ZNF804A: variants seen among roughly 807,000 people sequenced by gnomAD.
ZNF804A encodes zinc finger protein 804A.
ZNF804A carries 2 observed loss-of-function variants against 16.5 expected under a neutral mutation model. The observed-to-expected ratio is 0.12, with a 90% CI of 0.05 to 0.38. The LOEUF is 0.38. ZNF804A is among the 10% of genes least tolerant of loss of function. The pLI is 0.99. For missense variants in ZNF804A, 1,473 were observed against 1,390.7 expected (o/e 1.06, Z -0.94); for synonymous variants, 534 against 489.6 (o/e 1.09, Z -1.20).
intron 2 of ZNF804A, among the ~76,000 whole-genome samples, chr2:184,875,167 T>C (rs1158681959): frequency 1.3e-5 from 2 of 152,222 alleles, no homozygotes; most frequent in Non-Finnish European, 2.9e-5. Flanking sequence ...GCCTAGTTAA[T>C]GTGACTCTTC....
At chr2:184,742,073 C>A (rs1693716657) in intron 1 of ZNF804A, among the ~76,000 whole-genome samples, 1 of 151,896 alleles carries the variant, frequency 6.6e-6, no homozygotes, top group South Asian at 2.1e-4. Flanking sequence ...GATATAAAAT[C>A]TGCTCTTATA....
At chr2:184,818,262 T>G (rs1695014195) in intron 1 of ZNF804A, among the ~76,000 whole-genome samples, 1 of 152,026 alleles carries the variant, frequency 6.6e-6, no homozygotes, top group Non-Finnish European at 1.5e-5. Flanking sequence ...TTCAATATTT[T>G]TAAAGAAAAT....
chr2:184,719,895 AT>A, intron 1 of ZNF804A, among the ~76,000 whole-genome samples: 1 of 152,148 alleles, frequency 6.6e-6, no homozygotes, highest in South Asian at 2.1e-4. Context: ...TCACTTCCAC[AT>A]TTTTTGGTAT....
At chr2:184,674,353 G>A (rs1692386999) in intron 1 of ZNF804A, among the ~76,000 whole-genome samples, 1 of 151,870 alleles carries the variant, frequency 6.6e-6, no homozygotes, top group Non-Finnish European at 1.5e-5. Flanking sequence ...ATTCAAATTT[G>A]CTTACAAGGA....
At chr2:184,685,659 G>A (rs914712142) in intron 1 of ZNF804A, among the ~76,000 whole-genome samples, 79 of 152,224 alleles carry the variant, frequency 5.2e-4, no homozygotes, top group African/African-American at 1.8e-3. Flanking sequence ...GGCTCAGAAG[G>A]GAGAAAGTAC....
intron 1 of ZNF804A, among the ~76,000 whole-genome samples, chr2:184,813,121 G>C (rs966647529): frequency 2.6e-5 from 4 of 151,996 alleles, no homozygotes; most frequent in African/African-American, 9.7e-5. Context: ...TCACATTACT[G>C]TTGAATTTTA....
intron 2 of ZNF804A, chr2:184,902,640 TC>T (rs1685205010): frequency 6.6e-6 from 1 of 152,172 alleles, no homozygotes; most frequent in Admixed American, 6.6e-5. Context: ...CTTAGAGTGC[TC>T]TTAATGACAA....
At chr2:184,775,996 C>G (rs1342505968) in intron 1 of ZNF804A, among the ~76,000 whole-genome samples, 4 of 151,510 alleles carry the variant, frequency 2.6e-5, no homozygotes. Flanking sequence ...GTTTATAAAA[C>G]TGATAGAGCT....
At chr2:184,807,546 A>T (rs1184547024) in intron 1 of ZNF804A, among the ~76,000 whole-genome samples, 1 of 151,852 alleles carries the variant, frequency 6.6e-6, no homozygotes, top group East Asian at 1.9e-4. Context: ...CTTCAAAATC[A>T]GGAATAAAGC....
At chr2:184,727,906 A>G (rs1286312989) in intron 1 of ZNF804A, among the ~76,000 whole-genome samples, 1 of 151,760 alleles carries the variant, frequency 6.6e-6, no homozygotes, top group Non-Finnish European at 1.5e-5. Flanking sequence ...AATTAAACTC[A>G]GAGAATAATC....
chr2:184,626,710 G>A (rs17430600), intron 1 of ZNF804A, among the ~76,000 whole-genome samples: 59,894 of 151,936 alleles, frequency 0.39, 12,164 homozygotes, highest in Middle Eastern at 0.47. Context: ...TAGAATGTTT[G>A]TTTTAAATAA....
chr2:184,798,790 G>A (rs964800536), intron 1 of ZNF804A, among the ~76,000 whole-genome samples: 1 of 152,062 alleles, frequency 6.6e-6, no homozygotes, highest in African/African-American at 2.4e-5. Flanking sequence ...TGTGATTTTT[G>A]GGGGTGTTAA....
chr2:184,877,973 G>A (rs920395697), intron 2 of ZNF804A, among the ~76,000 whole-genome samples: 5 of 152,022 alleles, frequency 3.3e-5, no homozygotes, highest in African/African-American at 9.7e-5. Flanking sequence ...CCGTAGAAGG[G>A]GAGACGCATT....
At chr2:184,713,763 A>G (rs1317751006) in intron 1 of ZNF804A, among the ~76,000 whole-genome samples, 1 of 152,044 alleles carries the variant, frequency 6.6e-6, no homozygotes, top group Non-Finnish European at 1.5e-5. Flanking sequence ...CGTGCTAGCT[A>G]GGAAACAACT....
chr2:184,894,253 C>G (rs1349414233), intron 2 of ZNF804A, among the ~76,000 whole-genome samples: 1 of 151,988 alleles, frequency 6.6e-6, no homozygotes, highest in African/African-American at 2.4e-5. Context: ...GTATGCCAAC[C>G]CACATGCCAT....
rs1033725123 is a variant in ZNF804A at position 184,623,325 on chromosome 2, T to C, written c.111+24255T>C. The stretch of plus-strand genomic sequence containing the variant: ...AAAAAAATTCATTTTAATGCTTGCA[T>C]GAAGTAAAAAACAAACTCTCAAATA... On this transcript the variant is annotated intron_variant, in intron 1 of 3. Coordinates refer to ENST00000302277, the MANE Select transcript of ZNF804A (RefSeq NM_194250.2). Among the ~76,000 whole-genome samples, 5 of 152,094 alleles carry C rather than the reference T, an allele frequency of 3.3e-5. No homozygotes were observed. The East Asian group carries it at 9.6e-4, about 29-fold the overall frequency.
intron 1 of ZNF804A, among the ~76,000 whole-genome samples, chr2:184,775,778 A>G (rs1456147123): frequency 6.6e-6 from 1 of 151,672 alleles, no homozygotes; most frequent in Non-Finnish European, 1.5e-5. Context: ...GAAGCAAGAT[A>G]AAAATCACAC....
At chr2:184,858,593 T>A (rs1048754292) in intron 1 of ZNF804A, among the ~76,000 whole-genome samples, 25 of 152,222 alleles carry the variant, frequency 1.6e-4, no homozygotes, top group African/African-American at 6.0e-4. Flanking sequence ...ACATGTATTT[T>A]GATGTTTTAA....
In ZNF804A at chr2:184,605,134, A is replaced by G. The variant is rs973843595; in HGVS notation, c.111+6064A>G. 1.3e-5 allele frequency among the ~76,000 whole-genome samples: 2 copies of G among 152,152 alleles called. 1 individual carries two copies. Among genetic ancestry groups the G allele is most frequent in the Admixed American group, 1.3e-4 (2 of 15,272 alleles). ...ATATTTAAATACTTGTAGTAATGAT[A>G]TGGCATTGAAATAGTTTCCTATCGT... On this transcript the variant is annotated intron_variant, in intron 1 of 3. Coordinates refer to ENST00000302277, the MANE Select transcript of ZNF804A (RefSeq NM_194250.2).
Sources: gnomAD v4.1 joint callset for allele counts (sites outside exome capture counted in the v4.1 genomes callset) on GRCh38, gnomAD v4.1.1 for gene constraint, MANE v1.5 for transcripts, NCBI Gene and HGNC (gene_info 2026-07-23, HGNC 2026-07-21) for gene names.